Variants in ARHGAP15 observed in about 807,000 individuals in gnomAD.
ARHGAP15 encodes rho GTPase-activating protein 15.
In ARHGAP15, 51 loss-of-function variants were observed where a neutral mutation model predicts 63.7. The ratio of observed to expected loss-of-function variants is 0.80; its 90% CI spans 0.64 to 1.01. The LOEUF (loss-of-function observed/expected upper bound fraction) is 1.01, where lower values mean the gene tolerates loss of function less well. ARHGAP15 is among the 50% of genes least tolerant of loss of function. ARHGAP15 has a pLI of 0.00. For synonymous variants in ARHGAP15, 191 were observed against 193.8 expected (o/e 0.99, Z 0.12); for missense variants, 560 against 564.6 (o/e 0.99, Z 0.08).
intron 2 of ARHGAP15, among the ~76,000 whole-genome samples, chr2:143,193,704 T>C (rs1247934008): frequency 6.6e-6 from 1 of 152,182 alleles, no homozygotes; most frequent in Non-Finnish European, 1.5e-5. Context: ...CCTTTAAACA[T>C]AGGCAGACCA....
chr2:143,368,094 T>A (rs1686374987), intron 6 of ARHGAP15, among the ~76,000 whole-genome samples: 1 of 152,094 alleles, frequency 6.6e-6, no homozygotes, highest in Non-Finnish European at 1.5e-5. Context: ...TTTCTATGCC[T>A]TCATGCATAT....
intron 11 of ARHGAP15, among the ~76,000 whole-genome samples, chr2:143,562,098 G>C (rs1696054208): frequency 6.6e-6 from 1 of 152,074 alleles, no homozygotes; most frequent in Non-Finnish European, 1.5e-5. Flanking sequence ...AACATGCTAA[G>C]AATAAGCTCC....
At chr2:143,602,883 G>A (rs902936110) in intron 11 of ARHGAP15, among the ~76,000 whole-genome samples, 11 of 152,060 alleles carry the variant, frequency 7.2e-5, no homozygotes, top group Non-Finnish European at 1.0e-4. Context: ...CCACACAGAC[G>A]GGGTGTGTGT....
chr2:143,322,675 C>A (rs72993784), intron 6 of ARHGAP15, among the ~76,000 whole-genome samples: 3 of 152,220 alleles, frequency 2.0e-5, no homozygotes, highest in African/African-American at 7.2e-5. Context: ...TCAGCATTAC[C>A]GTGGATAGAA....
intron 11 of ARHGAP15, among the ~76,000 whole-genome samples, chr2:143,586,348 T>C (rs1371879253): frequency 7.2e-5 from 11 of 151,742 alleles, no homozygotes; most frequent in African/African-American, 2.7e-4. Context: ...ACATCTTTAA[T>C]TTTTTTTTCT....
chr2:143,509,921 C>T (rs4446020), intron 9 of ARHGAP15, among the ~76,000 whole-genome samples: 148,009 of 151,230 alleles, frequency 0.98, 72,515 homozygotes, highest in East Asian at 1. Context: ...CTCAGGAGGC[C>T]GAGGCAGGAG....
chr2:143,185,871 A>G (rs796871604), intron 2 of ARHGAP15, among the ~76,000 whole-genome samples: 27 of 152,276 alleles, frequency 1.8e-4, no homozygotes, highest in African/African-American at 6.5e-4. Flanking sequence ...TCCAGCCTCC[A>G]TCTTAGTCCT....
intron 13 of ARHGAP15, among the ~76,000 whole-genome samples, chr2:143,752,728 G>A (rs1032499255): frequency 6.6e-6 from 1 of 152,198 alleles, no homozygotes; most frequent in Non-Finnish European, 1.5e-5. Flanking sequence ...GGAATAAGCT[G>A]AACTGAAGTG....
chr2:143,647,158 TGACTC>T (rs1680918672), intron 12 of ARHGAP15, among the ~76,000 whole-genome samples: 1 of 152,038 alleles, frequency 6.6e-6, no homozygotes, highest in Admixed American at 6.6e-5. Flanking sequence ...CATGTTATAC[TGACTC>T]AAACCAGAAG....
chr2:143,414,206 G>A (rs992122559), intron 6 of ARHGAP15, among the ~76,000 whole-genome samples: 25 of 151,052 alleles, frequency 1.7e-4, no homozygotes, highest in Admixed American at 1.6e-3. Flanking sequence ...ATTTAATAAA[G>A]ATAAAAGCCA....
intron 13 of ARHGAP15, among the ~76,000 whole-genome samples, chr2:143,724,246 G>A (rs1685186031): frequency 6.6e-6 from 1 of 152,090 alleles, no homozygotes; most frequent in Non-Finnish European, 1.5e-5. Context: ...TTGCATCCTA[G>A]GTTTATGACT....
intron 6 of ARHGAP15, among the ~76,000 whole-genome samples, chr2:143,312,800 A>G (rs936876438): frequency 1.3e-5 from 2 of 152,180 alleles, no homozygotes; most frequent in African/African-American, 2.4e-5. Flanking sequence ...GTTTCCAACA[A>G]AAGAGTTTCT....
At chr2:143,518,723 AG>A (rs890783269) in intron 9 of ARHGAP15, 3 of 152,374 alleles carry the variant, frequency 2.0e-5, no homozygotes, top group African/African-American at 4.8e-5. Context: ...TGAGCCCTAA[AG>A]GAAAGGTGAT....
At chr2:143,188,650 A>C (rs1174006438) in intron 2 of ARHGAP15, among the ~76,000 whole-genome samples, 3 of 132,720 alleles carry the variant, frequency 2.3e-5, no homozygotes, top group Non-Finnish European at 3.3e-5. Context: ...TATTATTATT[A>C]TTATTTGTCT....
At chr2:143,260,963 G>GTT (rs1391124640) in intron 6 of ARHGAP15, among the ~76,000 whole-genome samples, 1 of 152,120 alleles carries the variant, frequency 6.6e-6, no homozygotes, top group East Asian at 1.9e-4. Context: ...TCTTTCATCT[G>GTT]TAAGTATAAA....
intron 12 of ARHGAP15, among the ~76,000 whole-genome samples, chr2:143,642,592 G>A (rs954157053): frequency 2.0e-5 from 3 of 152,100 alleles, no homozygotes; most frequent in African/African-American, 7.2e-5. Context: ...CCTTGTCCAA[G>A]CCATGCTATA....
At chr2:143,267,143 T>C (rs1319259707) in intron 6 of ARHGAP15, among the ~76,000 whole-genome samples, 1 of 152,102 alleles carries the variant, frequency 6.6e-6, no homozygotes, top group Non-Finnish European at 1.5e-5. Context: ...AAACACTAGT[T>C]GGCATGGTAA....
At chr2:143,515,187 AC>A (rs200111130) in intron 9 of ARHGAP15, among the ~76,000 whole-genome samples, 129 of 93,168 alleles carry the variant, frequency 1.4e-3, no homozygotes, top group East Asian at 4.8e-3. Flanking sequence ...CACTATATTA[AC>A]CCCCCCACCC....
chr2:143,346,465 A>G (rs1329181096), intron 6 of ARHGAP15, among the ~76,000 whole-genome samples: 1 of 152,092 alleles, frequency 6.6e-6, no homozygotes, highest in Non-Finnish European at 1.5e-5. Context: ...AGTAATTTTG[A>G]ATTGGATATG....
Sources: gnomAD v4.1 joint callset for allele counts (sites outside exome capture counted in the v4.1 genomes callset) on GRCh38, gnomAD v4.1.1 for gene constraint, MANE v1.5 for transcripts, NCBI Gene and HGNC (gene_info 2026-07-23, HGNC 2026-07-21) for gene names.